The following ITPR3 variants were observed in gnomAD, a reference collection of about 807,000 sequenced individuals.
ITPR3 encodes the protein inositol 1,4,5-trisphosphate-gated calcium channel ITPR3.
A neutral mutation model predicts 293.2 loss-of-function variants in ITPR3; 173 were observed. The ratio of observed to expected loss-of-function variants is 0.59; its 90% CI spans 0.52 to 0.67. The LOEUF (loss-of-function observed/expected upper bound fraction) is 0.67, where lower values mean the gene tolerates loss of function less well. Among genes scored for constraint, ITPR3 ranks in the 30% least tolerant of loss-of-function variants. ITPR3 has a pLI of 0.00. For missense variants in ITPR3, 2,796 were observed against 3,592.1 expected, an observed-to-expected ratio of 0.78 and a Z score of 5.66; for synonymous variants, 1,295 against 1,444.4, an observed-to-expected ratio of 0.90 and a Z score of 2.35.
chr6:33,666,038 A>C lies in ITPR3; in HGVS notation c.1551+62A>C. On this transcript the variant is annotated intron_variant, in intron 14 of 57. Transcript: ENST00000605930. This position sits in a 1 kb window ranked among gnomAD's most constrained non-coding sequence, Gnocchi z 5.1. ...GGTGCCCGGGAGAGGGATGCCTTCA[A>C]CTGCAGGCTCATCCCCCGCTTTAAC... The C allele has an allele frequency of 3.3e-6, 5 of 1,527,530 alleles. No individual in the cohort carries two copies. Among genetic ancestry groups the C allele is most frequent in the Non-Finnish European group, 4.4e-6 (5 of 1,128,540 alleles). 94.6% of individuals were successfully genotyped at this position (1,527,530 alleles called of 1,614,324 possible). A position where few individuals can be genotyped will look rare whatever the true frequency, so the allele number is the denominator to read the frequency against.
intron 2 of ITPR3, among the ~76,000 whole-genome samples, chr6:33,648,273 C>T (rs957605415): frequency 6.6e-6 from 1 of 151,932 alleles, no homozygotes; most frequent in African/African-American, 2.4e-5. Context: ...ACTGTGTTGC[C>T]CAGGCTCGTC....
At chr6:33,647,687 C>G (rs1281834847) in intron 2 of ITPR3, among the ~76,000 whole-genome samples, 1 of 152,178 alleles carries the variant, frequency 6.6e-6, no homozygotes, top group Non-Finnish European at 1.5e-5. Context: ...GTCAGAATTT[C>G]TCTCTTTCTT....
rs1765116870 is a variant in ITPR3 at position 33,682,942 on chromosome 6, G to T, written c.4598-265G>T. On this transcript the variant is annotated intron_variant, in intron 34 of 57. Coordinates refer to ENST00000605930, the MANE Select transcript of ITPR3 (RefSeq NM_002224.4). This position sits in a 1 kb window ranked among gnomAD's most constrained non-coding sequence, Gnocchi z 5.4. ...CCTGTGGATTGTTAGGGACAGTTGG[G>T]GAAGAAGAGAGGACAGGTGAGAGAG... Among the ~76,000 whole-genome samples the T allele has an allele frequency of 6.6e-6, 1 of 152,094 alleles. No individual in the cohort carries two copies. The highest frequency in any genetic ancestry group is 1.5e-5 in the Non-Finnish European group (1 of 68,026).
At chr6:33,693,235 A>T (rs1292471555) in intron 55 of ITPR3, among the ~76,000 whole-genome samples, 1 of 152,168 alleles carries the variant, frequency 6.6e-6, no homozygotes, top group Non-Finnish European at 1.5e-5. Flanking sequence ...GGCAGGTGTC[A>T]CCTGTATGGC....
At chr6:33,680,741 G>A (rs963629810) in intron 33 of ITPR3, 61 bp downstream of exon 33, 2 of 1,560,652 alleles carry the variant, frequency 1.3e-6, no homozygotes, top group Admixed American at 3.6e-5. Context: ...GAAGGGAAGG[G>A]GGGAAATAAG....
chr6:33,636,874 A>G (rs909684433), intron 1 of ITPR3, among the ~76,000 whole-genome samples: 1 of 152,128 alleles, frequency 6.6e-6, no homozygotes, highest in Non-Finnish European at 1.5e-5. Context: ...GGGACTAAGC[A>G]GGTGCTGGAG....
chr6:33,669,130 C>T lies in ITPR3; in HGVS notation c.2163C>T (p.His721=), dbSNP rs2077163. 857,917 of 1,613,712 alleles carry T rather than the reference C, an allele frequency of 0.53. 230,257 individuals are homozygous for T. Among genetic ancestry groups the T allele is most frequent in the South Asian group, 0.6 (55,044 of 91,056 alleles). Residue 721 remains histidine, a synonymous_variant, in exon 18 of 58, where the codon CAC becomes CAT. Coordinates refer to ENST00000605930, the MANE Select transcript of ITPR3 (RefSeq NM_002224.4). ...LAQEARAGNA[H]DENVLSYYRY... ...AGGAGGCGCGGGCCGGCAACGCCCA[C>T]GACGAGAATGTGCTCAGCTACTACA...
rs897729189 is a variant in ITPR3, at chr6:33,682,347, G to A, written c.4477-177G>A. Among the ~76,000 whole-genome samples the A allele has an allele frequency of 3.9e-5, 6 of 152,192 alleles. No individual in the cohort carries two copies. Among genetic ancestry groups the A allele is most frequent in the Non-Finnish European group, 8.8e-5 (6 of 68,024 alleles). ...GCTGCCGTGTACAGTTGGGCAGGTC[G>A]TGCACTGCTGAAGGGAATACAAGTA... On this transcript the variant is annotated intron_variant, in intron 33 of 57. Coordinates refer to ENST00000605930, the MANE Select transcript of ITPR3 (RefSeq NM_002224.4). This position sits in a 1 kb window ranked among gnomAD's most constrained non-coding sequence, Gnocchi z 5.4.
In ITPR3 at chr6:33,669,099, T is replaced by C. The variant is rs1764689221; in HGVS notation, c.2132T>C (p.Leu711Pro). Residue 711 changes from leucine to proline, a missense_variant, in exon 18 of 58, where the codon CTG becomes CCG. Leu to Pro is a moderately conservative substitution (Grantham distance 98). Transcript: ENST00000605930. Reference sequence around the variant, plus strand: ...CATCATGAGAAGAGTGTGAGGCAGCTGGCCCAGGAGGCGCGGGCCGGCAAC... The same window carrying C: ...CATCATGAGAAGAGTGTGAGGCAGCCGGCCCAGGAGGCGCGGGCCGGCAAC... ...NEHHEKSVRQ[L>P]AQEARAGNAH... 6.2e-7 allele frequency: 1 copy of C among 1,614,188 alleles called. No individual in the cohort carries two copies. The highest frequency in any genetic ancestry group is 8.5e-7 in the Non-Finnish European group (1 of 1,180,020).
rs1257058353 is a variant in ITPR3, at chr6:33,655,576, A to T, written c.161-190A>T. Among the ~76,000 whole-genome samples, 2 of 152,076 alleles carry T rather than the reference A, an allele frequency of 1.3e-5. No individual in the cohort carries two copies. The highest frequency in any genetic ancestry group is 2.9e-5 in the Non-Finnish European group (2 of 68,020). ...CTCAAACCTGCCTCTGAGCCTCCCCATTCTACTCAGCATATTCCAGGATGC... is the reference window on the plus strand; with the variant it reads ...CTCAAACCTGCCTCTGAGCCTCCCCTTTCTACTCAGCATATTCCAGGATGC... On this transcript the variant is annotated intron_variant, in intron 2 of 57. Transcript: ENST00000605930. The surrounding 1 kb of genome is among the most constrained non-coding windows in gnomAD (Gnocchi z 4.9).
Position 33,662,893 on chromosome 6 carries a change from A to G in ITPR3, c.859-18A>G, listed in dbSNP as rs1033976059. 2 of 1,573,340 alleles carry G rather than the reference A, an allele frequency of 1.3e-6. No individual in the cohort carries two copies. The highest frequency in any genetic ancestry group is 2.7e-5 in the African/African-American group (2 of 74,116). On this transcript the variant is annotated intron_variant, in intron 8 of 57. Transcript: ENST00000605930. ...CTGTCCAGTCTCTCCTTCCTGCCTC[A>G]CACCTGTGTGCCCCTAGGTGGTCCA...
chr6:33,691,753 G>C lies in ITPR3; in HGVS notation c.7330+34G>C. On this transcript the variant is annotated intron_variant, in intron 53 of 57. Coordinates refer to ENST00000605930, the MANE Select transcript of ITPR3 (RefSeq NM_002224.4). This position sits in a 1 kb window ranked among gnomAD's most constrained non-coding sequence, Gnocchi z 4.9. ...GGTGTGTGTGCAGGAGTCTGTGTGG[G>C]GTAGGAGGAGCAGGCAGCCCGGGCC... 6.2e-7 allele frequency: 1 copy of C among 1,610,288 alleles called. No homozygotes were observed. The highest frequency in any genetic ancestry group is 8.5e-7 in the Non-Finnish European group (1 of 1,178,608).
Position 33,686,212 on chromosome 6 carries a change from A to G in ITPR3, c.5827A>G (p.Thr1943Ala). 6.2e-7 allele frequency: 1 copy of G among 1,613,786 alleles called. No homozygotes were observed. The highest frequency in any genetic ancestry group is 8.5e-7 in the Non-Finnish European group (1 of 1,179,966). Residue 1943 changes from threonine to alanine, a missense_variant, in exon 42 of 58, where the codon ACC (threonine) becomes GCC (alanine). This residue lies in a region of ITPR3 where 704 missense variants were observed against 797.5 expected (regional missense o/e 0.88). Transcript: ENST00000605930. ...GGGCCTCGTCATCCAGACCTTGGAG[A>G]CCCTCACTGAGTACTGCCAGGGCCC... ...NVGLVIQTLE[T>A]LTEYCQGPCH...
intron 17 of ITPR3, 121 bp downstream of exon 17, chr6:33,668,755 A>C: frequency 1.4e-6 from 2 of 1,474,452 alleles, no homozygotes; most frequent in African/African-American, 1.4e-5. Context: ...GCAGCTGTGA[A>C]CTCTGTGCCT....
At chr6:33,627,922 A>C (rs527719929) in intron 1 of ITPR3, among the ~76,000 whole-genome samples, 1 of 152,342 alleles carries the variant, frequency 6.6e-6, no homozygotes, top group East Asian at 1.9e-4. Context: ...CCACACATCC[A>C]CCTTGAGACT....
At chr6:33,663,605 G>A (rs1334995547) in intron 10 of ITPR3, 55 bp downstream of exon 10, 13 of 1,595,568 alleles carry the variant, frequency 8.1e-6, no homozygotes, top group Middle Eastern at 3.4e-4. Context: ...GGGGGTAGGC[G>A]GGGGCAGGGG....
At chr6:33,686,668 G>A (rs1003553704) in intron 43 of ITPR3, 149 bp downstream of exon 43, 3 of 690,772 alleles carry the variant, frequency 4.3e-6, no homozygotes, top group South Asian at 1.7e-5. Context: ...ACAAGTGTGT[G>A]GTGTGTGCAG....
chr6:33,670,279 C>T lies in ITPR3; in HGVS notation c.2190-46C>T. 6.2e-7 allele frequency: 1 copy of T among 1,609,296 alleles called. No homozygotes were observed. Among genetic ancestry groups the T allele is most frequent in the Non-Finnish European group, 8.5e-7 (1 of 1,177,180 alleles). Reference sequence around the variant, plus strand: ...GTCTAGTGCCCAGTGCCAGCAGCCTCCCGGCTGCCATCTGCCGTGTCCTCA... The same window carrying T: ...GTCTAGTGCCCAGTGCCAGCAGCCTTCCGGCTGCCATCTGCCGTGTCCTCA... On this transcript the variant is annotated intron_variant, in intron 18 of 57. Transcript: ENST00000605930. The surrounding 1 kb of genome is among the most constrained non-coding windows in gnomAD (Gnocchi z 6.7).
In ITPR3 at chr6:33,672,052, C is replaced by G. The variant is rs754970759; in HGVS notation, c.2752C>G (p.Gln918Glu). 9 of 1,610,024 alleles carry G rather than the reference C, an allele frequency of 5.6e-6. No individual in the cohort carries two copies. The East Asian group carries it at 1.8e-4, about 32-fold the overall frequency. Residue 918 changes from glutamine to glutamate, a missense_variant, in exon 22 of 58, where the codon CAG becomes GAG. By Grantham distance (29) the Gln-to-Glu change is conservative. Transcript: ENST00000605930. The surrounding 1 kb of genome is among the most constrained non-coding windows in gnomAD (Gnocchi z 5.0). Reference sequence around the variant, plus strand: ...AGGCAAGAATGTGCGGCGGTCCATCCAGGGCGTGGGGCACATGATGTCCAC... The same window carrying G: ...AGGCAAGAATGTGCGGCGGTCCATCGAGGGCGTGGGGCACATGATGTCCAC... ...PGGKNVRRSI[Q>E]GVGHMMSTMV... is the part of the protein sequence containing the mutation.
Sources: gnomAD v4.1 joint callset for allele counts (sites outside exome capture counted in the v4.1 genomes callset) on GRCh38, gnomAD v4.1.1 for gene constraint, gnomAD v4.1.1 regional missense constraint, Gnocchi (gnomAD v3.1) non-coding constraint, MANE v1.5 for transcripts, NCBI Gene and HGNC (gene_info 2026-07-23, HGNC 2026-07-21) for gene names.